LRP1B: variants seen among roughly 807,000 people sequenced by gnomAD.
The protein encoded by LRP1B is LDL receptor related protein 1B.
Under a neutral mutation model 556.6 loss-of-function variants are expected in LRP1B, and 217 were observed. The observed-to-expected ratio is 0.39, with a 90% CI of 0.35 to 0.44. The LOEUF (loss-of-function observed/expected upper bound fraction) is 0.44, where lower values mean the gene tolerates loss of function less well. Among genes scored for constraint, LRP1B ranks in the 20% least tolerant of loss-of-function variants. LRP1B has a pLI of 1.00. For synonymous variants in LRP1B, 2,047 were observed against 1,865.8 expected, an observed-to-expected ratio of 1.10 and a Z score of -2.50; for missense variants, 5,053 against 5,620.8, an observed-to-expected ratio of 0.90 and a Z score of 3.23.
intron 3 of LRP1B, among the ~76,000 whole-genome samples, chr2:141,393,717 T>G (rs567322620): frequency 3.6e-4 from 55 of 152,020 alleles, no homozygotes; most frequent in Admixed American, 2.6e-3. Flanking sequence ...GAAGACAAGT[T>G]GTACAGAAAA....
At chr2:141,377,872 T>A (rs1341829261) in intron 3 of LRP1B, among the ~76,000 whole-genome samples, 1 of 152,182 alleles carries the variant, frequency 6.6e-6, no homozygotes, top group African/African-American at 2.4e-5. Flanking sequence ...GAGAACATTG[T>A]CTATGCTATC....
At chr2:140,615,197 G>A (rs1215862786) in intron 41 of LRP1B, among the ~76,000 whole-genome samples, 1 of 152,054 alleles carries the variant, frequency 6.6e-6, no homozygotes, top group Non-Finnish European at 1.5e-5. Flanking sequence ...ACCAGCTGGT[G>A]CCACCTGGAC....
intron 7 of LRP1B, among the ~76,000 whole-genome samples, chr2:141,128,253 G>T (rs1035219328): frequency 5.3e-5 from 8 of 152,154 alleles, no homozygotes; most frequent in African/African-American, 1.9e-4. Flanking sequence ...ATTTACGGAA[G>T]TTTCAATCCT....
At chr2:141,389,715 A>T (rs941200010) in intron 3 of LRP1B, among the ~76,000 whole-genome samples, 2 of 152,222 alleles carry the variant, frequency 1.3e-5, no homozygotes, top group Admixed American at 1.3e-4. Context: ...AAGGAGAGAA[A>T]ATATTTTCAA....
In LRP1B at chr2:141,077,420, T is replaced by C. The variant is rs72983177; in HGVS notation, c.1014-15147A>G. On this transcript the variant is annotated intron_variant, in intron 7 of 90. Transcript: ENST00000389484. ...TTCTTCCTGTAAAGGTCTTAGATTA[T>C]TGTTTGCTGCTCAGTCTTCATGTCT... Among the ~76,000 whole-genome samples, 591 of 152,330 alleles carry C rather than the reference T, an allele frequency of 3.9e-3. 1 individual carries two copies. The highest frequency in any genetic ancestry group is 0.013 in the African/African-American group (557 of 41,572).
chr2:141,475,375 A>T (rs1682661056), intron 3 of LRP1B, among the ~76,000 whole-genome samples: 1 of 152,160 alleles, frequency 6.6e-6, no homozygotes, highest in Non-Finnish European at 1.5e-5. Flanking sequence ...TAAATAAATA[A>T]ATAACTTACC....
At chr2:141,159,755 C>A (rs1679918409) in intron 7 of LRP1B, among the ~76,000 whole-genome samples, 1 of 152,072 alleles carries the variant, frequency 6.6e-6, no homozygotes. Flanking sequence ...ATGTATTGTT[C>A]AACATTTTAG....
chr2:141,932,811 G>A (rs939158716), intron 1 of LRP1B, among the ~76,000 whole-genome samples: 1 of 151,896 alleles, frequency 6.6e-6, no homozygotes, highest in African/African-American at 2.4e-5. Context: ...AAATTAACAA[G>A]TATGTATTAT....
chr2:141,237,988 T>A (rs79056653), intron 5 of LRP1B, among the ~76,000 whole-genome samples: 2,437 of 152,222 alleles, frequency 0.016, 51 homozygotes, highest in African/African-American at 0.048. Context: ...TGTAAAATAA[T>A]AAGGTATTTC....
chr2:141,400,223 T>A (rs752808049), intron 3 of LRP1B, among the ~76,000 whole-genome samples: 15 of 152,094 alleles, frequency 9.9e-5, no homozygotes, highest in Admixed American at 2.6e-4. Context: ...AAGCAATCCT[T>A]CTGCCTCAGC....
At chr2:140,707,148 C>T (rs1039189753) in intron 37 of LRP1B, among the ~76,000 whole-genome samples, 10 of 152,098 alleles carry the variant, frequency 6.6e-5, no homozygotes, top group African/African-American at 2.2e-4. Context: ...ATTTGAGTTG[C>T]AATTTTTACA....
chr2:141,940,784 A>G (rs1700774203), intron 1 of LRP1B, among the ~76,000 whole-genome samples: 1 of 152,190 alleles, frequency 6.6e-6, no homozygotes, highest in African/African-American at 2.4e-5. Flanking sequence ...TCAGAGTTAA[A>G]ATTCCTTAGA....
chr2:141,542,823 C>A (rs1463537293), intron 2 of LRP1B, among the ~76,000 whole-genome samples: 2 of 152,026 alleles, frequency 1.3e-5, no homozygotes, highest in African/African-American at 4.8e-5. Flanking sequence ...TTCTGTTAAA[C>A]TAGCTTTAAT....
intron 2 of LRP1B, among the ~76,000 whole-genome samples, chr2:141,583,896 T>A (rs1687035322): frequency 1.4e-5 from 2 of 145,182 alleles, no homozygotes; most frequent in Middle Eastern, 3.5e-3. Context: ...TGCACCACCA[T>A]GCCCGGCTAA....
rs1238296744 is a variant in LRP1B at position 140,301,895 on chromosome 2, GTATA to G, written c.12806-3930_12806-3927del. ...AGTGTGCATGTATGTGTATGTGTGT[GTATA>G]TATACACATATACATATATATACAT... On this transcript the variant is annotated intron_variant, in intron 83 of 90. Coordinates refer to ENST00000389484, the MANE Select transcript of LRP1B (RefSeq NM_018557.3). Among the ~76,000 whole-genome samples, 5 of 151,694 alleles carry G rather than the reference GTATA, an allele frequency of 3.3e-5. No individual in the cohort carries two copies. In the South Asian group the frequency reaches 6.2e-4, roughly 19 times the overall value.
At chr2:141,643,386 A>T (rs1170125587) in intron 2 of LRP1B, among the ~76,000 whole-genome samples, 1 of 152,190 alleles carries the variant, frequency 6.6e-6, no homozygotes, top group African/African-American at 2.4e-5. Flanking sequence ...TCACATCTAT[A>T]AACCAGGGAA....
At chr2:141,962,263 C>CAT (rs3041435) in intron 1 of LRP1B, among the ~76,000 whole-genome samples, 130,754 of 151,482 alleles carry the variant, frequency 0.86, 56,510 homozygotes, top group East Asian at 1. Context: ...ATCTAATAAT[C>CAT]AGGGCCAAAA....
intron 3 of LRP1B, among the ~76,000 whole-genome samples, chr2:141,362,748 G>A (rs1439839139): frequency 4.6e-5 from 7 of 150,914 alleles, no homozygotes; most frequent in East Asian, 2.0e-4. Context: ...CTGAAACTGG[G>A]ATCAAATCCA....
chr2:142,051,449 A>T (rs1574634169), intron 1 of LRP1B, among the ~76,000 whole-genome samples: 2 of 147,120 alleles, frequency 1.4e-5, no homozygotes, highest in South Asian at 4.3e-4. Flanking sequence ...TAATAGGGGC[A>T]TAATTAAAGG....
Sources: gnomAD v4.1 joint callset for allele counts (sites outside exome capture counted in the v4.1 genomes callset) on GRCh38, gnomAD v4.1.1 for gene constraint, MANE v1.5 for transcripts, NCBI Gene and HGNC (gene_info 2026-07-23, HGNC 2026-07-21) for gene names.